KCNG2: variants seen among roughly 807,000 people sequenced by gnomAD.
The protein encoded by KCNG2 is voltage-gated potassium channel regulatory subunit KCNG2.
In KCNG2, 7 loss-of-function variants were observed where a neutral mutation model predicts 12.3. That is an observed-to-expected ratio of 0.57 (90% confidence interval 0.32 to 1.07). The LOEUF (loss-of-function observed/expected upper bound fraction) is 1.07. Among genes scored for constraint, KCNG2 ranks in the 50% least tolerant of loss-of-function variants. The pLI is 0.04. For synonymous variants in KCNG2, 414 were observed against 351.4 expected (o/e 1.18, Z -1.99); for missense variants, 703 against 726.0 (o/e 0.97, Z 0.36).
At chr18:79,872,850 C>T (rs749742093) in intron 3 of KCNG2, among the ~76,000 whole-genome samples, 1 of 152,244 alleles carries the variant, frequency 6.6e-6, no homozygotes, top group Non-Finnish European at 1.5e-5. Flanking sequence ...CACACAGAAT[C>T]ACACAGCGAG....
intron 2 of KCNG2, among the ~76,000 whole-genome samples, chr18:79,856,655 C>G (rs1388229257): frequency 6.6e-6 from 1 of 152,136 alleles, no homozygotes; most frequent in Non-Finnish European, 1.5e-5. Context: ...CCTTCCGAAC[C>G]CCGCCTGGGA....
At chr18:79,812,998 A>T (rs1353264123) in intron 1 of KCNG2, among the ~76,000 whole-genome samples, 3 of 151,816 alleles carry the variant, frequency 2.0e-5, no homozygotes, top group African/African-American at 7.3e-5. Flanking sequence ...TCTCCTAAAA[A>T]TACAAAATTA....
At chr18:79,814,052 G>T (rs1012852524) in intron 1 of KCNG2, among the ~76,000 whole-genome samples, 4 of 152,156 alleles carry the variant, frequency 2.6e-5, no homozygotes, top group African/African-American at 9.7e-5. Flanking sequence ...AAACCACTGT[G>T]CCCCTACACA....
At chr18:79,875,530 C>T (rs767041238) in intron 3 of KCNG2, among the ~76,000 whole-genome samples, 2 of 152,230 alleles carry the variant, frequency 1.3e-5, no homozygotes, top group Non-Finnish European at 2.9e-5. Context: ...TTTCTCCTGT[C>T]GGCCTTTGTT....
intron 3 of KCNG2, among the ~76,000 whole-genome samples, chr18:79,890,426 T>C (rs542436001): frequency 6.6e-6 from 1 of 152,244 alleles, no homozygotes; most frequent in Non-Finnish European, 1.5e-5. Flanking sequence ...GTCACCCAGG[T>C]ACCAAGCACA....
intron 2 of KCNG2, among the ~76,000 whole-genome samples, chr18:79,859,667 A>G (rs775836123): frequency 6.6e-6 from 1 of 152,204 alleles, no homozygotes; most frequent in Non-Finnish European, 1.5e-5. Context: ...CAATATCCAA[A>G]CGATAGCAGG....
At chr18:79,895,487 C>G (rs1309139102) in intron 3 of KCNG2, among the ~76,000 whole-genome samples, 1 of 151,584 alleles carries the variant, frequency 6.6e-6, no homozygotes, top group Non-Finnish European at 1.5e-5. Context: ...GTTGTTCATG[C>G]CATTAATAAC....
chr18:79,826,239 C>T (rs982736915), intron 1 of KCNG2, among the ~76,000 whole-genome samples: 1 of 152,244 alleles, frequency 6.6e-6, no homozygotes, highest in Non-Finnish European at 1.5e-5. Context: ...AGACGGGGAC[C>T]GAGGGCCTGG....
chr18:79,853,840 G>A (rs1019482988), intron 1 of KCNG2, among the ~76,000 whole-genome samples: 2 of 152,240 alleles, frequency 1.3e-5, no homozygotes, highest in Non-Finnish European at 2.9e-5. Flanking sequence ...CGAGACGGGC[G>A]CCACCCCAGG....
At chr18:79,895,498 G>A (rs368651618) in intron 3 of KCNG2, among the ~76,000 whole-genome samples, 5 of 150,502 alleles carry the variant, frequency 3.3e-5, no homozygotes, top group East Asian at 2.0e-4. Flanking sequence ...CATTAATAAC[G>A]ATTGATATAG....
At chr18:79,836,838 A>C (rs1326052097) in intron 1 of KCNG2, among the ~76,000 whole-genome samples, 1 of 152,186 alleles carries the variant, frequency 6.6e-6, no homozygotes, top group Non-Finnish European at 1.5e-5. Flanking sequence ...CCCTCAACAC[A>C]TGAGGATGAC....
At chr18:79,844,743 GT>G (rs1978567049) in intron 1 of KCNG2, among the ~76,000 whole-genome samples, 1 of 152,176 alleles carries the variant, frequency 6.6e-6, no homozygotes, top group Non-Finnish European at 1.5e-5. Flanking sequence ...ATTAAAAACG[GT>G]GATATCAAGT....
intron 1 of KCNG2, among the ~76,000 whole-genome samples, chr18:79,799,069 G>A (rs1011453508): frequency 6.6e-6 from 1 of 152,202 alleles, no homozygotes; most frequent in Non-Finnish European, 1.5e-5. Flanking sequence ...GAGCCTCATG[G>A]GTCCCCCCTT....
At chr18:79,877,708 G>T (rs922560073) in intron 3 of KCNG2, among the ~76,000 whole-genome samples, 1 of 152,186 alleles carries the variant, frequency 6.6e-6, no homozygotes, top group East Asian at 1.9e-4. Flanking sequence ...AGCCTCGGTC[G>T]GGGTGACAAG....
At chr18:79,829,485 A>G (rs1978290049) in intron 1 of KCNG2, among the ~76,000 whole-genome samples, 1 of 151,810 alleles carries the variant, frequency 6.6e-6, no homozygotes, top group Non-Finnish European at 1.5e-5. Flanking sequence ...CTGCCTCCCT[A>G]TGGCTTGTGG....
chr18:79,802,408 G>A (rs1009143569), intron 1 of KCNG2, among the ~76,000 whole-genome samples: 23 of 151,452 alleles, frequency 1.5e-4, no homozygotes, highest in Admixed American at 9.2e-4. Flanking sequence ...GCTCTGGTCC[G>A]GAGAGCCTGG....
Position 79,899,717 on chromosome 18 carries a change from G to C in KCNG2, c.1302G>C (p.Thr434=). The change falls in exon 4 of 4, where the codon ACG becomes ACC. Residue 434 remains threonine (T), a synonymous_variant. Transcript: ENST00000316249. Reference sequence around the variant, plus strand: ...AGCCGGCCCTGCAGGAGGACAGCACGCACTCGGCCACAGCCACCGAGGACA... The same window carrying C: ...AGCCGGCCCTGCAGGAGGACAGCACCCACTCGGCCACAGCCACCGAGGACA... ...SPEPALQEDS[T]HSATATEDSS... 1 of 1,603,374 alleles carries C rather than the reference G, an allele frequency of 6.2e-7. No individual in the cohort carries two copies. Among genetic ancestry groups the C allele is most frequent in the Non-Finnish European group, 8.5e-7 (1 of 1,177,190 alleles).
chr18:79,853,176 C>T (rs1015560675), intron 1 of KCNG2, among the ~76,000 whole-genome samples: 3 of 152,198 alleles, frequency 2.0e-5, no homozygotes, highest in Admixed American at 6.5e-5. Context: ...GTCCTCGAGA[C>T]GTTTACATCC....
At chr18:79,868,248 G>A (rs1190938734) in intron 3 of KCNG2, among the ~76,000 whole-genome samples, 7 of 152,200 alleles carry the variant, frequency 4.6e-5, no homozygotes, top group African/African-American at 1.4e-4. Flanking sequence ...GGGCTCCGTG[G>A]CACCCAGCCC....
Sources: allele counts gnomAD v4.1 joint callset (sites outside exome capture counted in the v4.1 genomes callset), GRCh38; gene constraint gnomAD v4.1.1; transcripts MANE v1.5; gene names NCBI Gene and HGNC (gene_info 2026-07-23, HGNC 2026-07-21).